The following GFRA1 variants were observed in gnomAD, a reference collection of about 807,000 sequenced individuals.
GFRA1 encodes the protein GDNF family receptor alpha 1, also known as GDNF family receptor alpha-1.
GFRA1 carries 16 observed loss-of-function variants against 51.6 expected under a neutral mutation model. The ratio of observed to expected loss-of-function variants is 0.31; its 90% CI spans 0.21 to 0.47. GFRA1 has a LOEUF of 0.47. Ranked by LOEUF, GFRA1 falls within the 20% of genes least tolerant of loss-of-function variation. GFRA1 has a pLI of 1.00. For missense variants in GFRA1, 530 were observed against 594.3 expected, an observed-to-expected ratio of 0.89 and a Z score of 1.13; for synonymous variants, 270 against 241.3, an observed-to-expected ratio of 1.12 and a Z score of -1.10.
chr10:116,231,405 A>G (rs1966668008), intron 4 of GFRA1, among the ~76,000 whole-genome samples: 1 of 152,222 alleles, frequency 6.6e-6, no homozygotes. Context: ...CCAAAATGTT[A>G]TAATTAAAAG....
intron 5 of GFRA1, among the ~76,000 whole-genome samples, chr10:116,155,873 T>C (rs1308965829): frequency 6.6e-6 from 1 of 152,150 alleles, no homozygotes; most frequent in Non-Finnish European, 1.5e-5. Flanking sequence ...CTCTGCTTTA[T>C]GAATCTGGCT....
chr10:116,138,544 G>A (rs556518700), intron 5 of GFRA1, among the ~76,000 whole-genome samples: 1 of 152,118 alleles, frequency 6.6e-6, no homozygotes, highest in Admixed American at 6.5e-5. Context: ...TGTTTCACGT[G>A]TGACTTCATA....
chr10:116,247,156 CT>C (rs1325153813), intron 4 of GFRA1, among the ~76,000 whole-genome samples: 1 of 152,150 alleles, frequency 6.6e-6, no homozygotes, highest in African/African-American at 2.4e-5. Flanking sequence ...GAAAATGGCA[CT>C]GTCATTTACC....
At chr10:116,192,970 C>G (rs868071844) in intron 5 of GFRA1, among the ~76,000 whole-genome samples, 2 of 152,238 alleles carry the variant, frequency 1.3e-5, no homozygotes, top group South Asian at 4.1e-4. Flanking sequence ...AAATCCCCAC[C>G]GGCTTTGTAC....
rs116440426 is a variant in GFRA1, at chr10:116,076,359, C to A, written c.1198-10733G>T. Among the ~76,000 whole-genome samples, 555 of 152,120 alleles carry A rather than the reference C, an allele frequency of 3.6e-3. 4 individuals carry two copies. The highest frequency in any genetic ancestry group is 0.013 in the African/African-American group (531 of 41,496). ...ACAGCCTTACATTGTTCCCAAGGAA[C>A]ACCAAATTTCCACAGAAACACCCTG... On this transcript the variant is annotated intron_variant, in intron 9 of 10. Coordinates refer to ENST00000355422, the MANE Select transcript of GFRA1 (RefSeq NM_005264.8).
At chr10:116,080,131 C>T (rs918085962) in intron 9 of GFRA1, among the ~76,000 whole-genome samples, 2 of 152,158 alleles carry the variant, frequency 1.3e-5, no homozygotes, top group African/African-American at 4.8e-5. Context: ...CCGAAAGCCC[C>T]TTGAAACTTA....
rs1214788414 is a variant in GFRA1, at chr10:116,154,083, A to G, written c.434-28526T>C. Among the ~76,000 whole-genome samples the G allele has an allele frequency of 2.0e-5, 3 of 152,318 alleles. No individual in the cohort carries two copies. In the East Asian group the frequency reaches 5.8e-4, roughly 29 times the overall value. On this transcript the variant is annotated intron_variant, in intron 5 of 10. Coordinates refer to ENST00000355422, the MANE Select transcript of GFRA1 (RefSeq NM_005264.8). ...CCACCAAGATGGCTAAAATGAAGAG[A>G]CAAAAACAAACATGAGTGTGTCCAT...
At chr10:116,072,710 G>C (rs1220016516) in intron 9 of GFRA1, among the ~76,000 whole-genome samples, 1 of 152,106 alleles carries the variant, frequency 6.6e-6, no homozygotes, top group Non-Finnish European at 1.5e-5. Flanking sequence ...GCAGTGAGTT[G>C]AGATCACACC....
intron 5 of GFRA1, among the ~76,000 whole-genome samples, chr10:116,172,997 G>A (rs971877802): frequency 5.3e-5 from 8 of 152,286 alleles, no homozygotes; most frequent in East Asian, 1.9e-4. Context: ...GGCTTCGAGC[G>A]GAGGTCTGCT....
At chr10:116,129,112 C>T (rs2134041574) in intron 5 of GFRA1, among the ~76,000 whole-genome samples, 1 of 152,318 alleles carries the variant, frequency 6.6e-6, no homozygotes, top group Non-Finnish European at 1.5e-5. Flanking sequence ...CACAGGTGAA[C>T]ATCTGACTTC....
intron 5 of GFRA1, among the ~76,000 whole-genome samples, chr10:116,186,031 G>A (rs1404538252): frequency 6.6e-6 from 1 of 152,140 alleles, no homozygotes; most frequent in East Asian, 1.9e-4. Flanking sequence ...GGGGTAGTAG[G>A]TGGGAGAGCA....
At chr10:116,076,152 C>CTAACATAGTACTGGGGTACTA (rs1191209790) in intron 9 of GFRA1, among the ~76,000 whole-genome samples, 1 of 151,822 alleles carries the variant, frequency 6.6e-6, no homozygotes, top group South Asian at 2.1e-4. Context: ...CTACATAGTA[C>CTAACATAGTACTGGGGTACTA]TAACATAGTA....
chr10:116,144,975 C>A (rs1436708075), intron 5 of GFRA1, among the ~76,000 whole-genome samples: 2 of 151,040 alleles, frequency 1.3e-5, no homozygotes, highest in African/African-American at 4.9e-5. Flanking sequence ...ATGACAAAAC[C>A]CCATCTCTAC....
At chr10:116,112,844 T>A (rs1957266107) in intron 6 of GFRA1, among the ~76,000 whole-genome samples, 1 of 152,136 alleles carries the variant, frequency 6.6e-6, no homozygotes. Flanking sequence ...GGGGCAGACA[T>A]CCCACAGCCT....
intron 4 of GFRA1, among the ~76,000 whole-genome samples, chr10:116,222,674 A>G (rs1290069303): frequency 6.6e-6 from 1 of 152,220 alleles, no homozygotes; most frequent in Non-Finnish European, 1.5e-5. Context: ...GGCACTTCAC[A>G]GAAGCAGGCA....
intron 5 of GFRA1, among the ~76,000 whole-genome samples, chr10:116,133,035 C>T (rs1301761208): frequency 6.6e-6 from 1 of 152,042 alleles, no homozygotes; most frequent in Non-Finnish European, 1.5e-5. Flanking sequence ...TCCCCTCCCC[C>T]TCTAATCTCT....
rs566872176 is a variant in GFRA1, at chr10:116,252,264, C to T, written c.418+17239G>A. Among the ~76,000 whole-genome samples the T allele has an allele frequency of 4.6e-5, 7 of 152,130 alleles. No individual in the cohort carries two copies. The South Asian group carries it at 6.2e-4, about 14-fold the overall frequency. On this transcript the variant is annotated intron_variant, in intron 4 of 10. Transcript: ENST00000355422. ...CACAATACGAGCAGCAAGCCGAATC[C>T]GCATGAGAGCCATTTCTGAGAGGCT... is the stretch of plus-strand genomic sequence containing the variant.
chr10:116,155,254 A>C (rs1959178956), intron 5 of GFRA1, among the ~76,000 whole-genome samples: 1 of 152,144 alleles, frequency 6.6e-6, no homozygotes, highest in South Asian at 2.1e-4. Flanking sequence ...GGCGGAGCAC[A>C]ATTACTTCAT....
intron 4 of GFRA1, among the ~76,000 whole-genome samples, chr10:116,241,242 A>G (rs775821097): frequency 1.3e-5 from 2 of 152,240 alleles, no homozygotes; most frequent in Non-Finnish European, 2.9e-5. Context: ...CAATTCACAC[A>G]TGTCCAAGAA....
Sources: gnomAD v4.1 joint callset for allele counts (sites outside exome capture counted in the v4.1 genomes callset) on GRCh38, gnomAD v4.1.1 for gene constraint, MANE v1.5 for transcripts, NCBI Gene and HGNC (gene_info 2026-07-23, HGNC 2026-07-21) for gene names.